The following PPA2 variants were observed in gnomAD, a reference collection of about 807,000 sequenced individuals.
PPA2 encodes inorganic pyrophosphatase 2, mitochondrial.
PPA2 carries 48 observed loss-of-function variants against 49.5 expected under a neutral mutation model. That is an observed-to-expected ratio of 0.97 (90% CI 0.77 to 1.23). PPA2 has a LOEUF of 1.23. PPA2 is among the 50% of genes most tolerant of loss of function. PPA2 has a pLI of 0.00. For synonymous variants in PPA2, 131 were observed against 139.9 expected (o/e 0.94, Z 0.45); for missense variants, 429 against 410.1 (o/e 1.05, Z -0.40).
At chr4:105,424,566 C>A (rs1187805845) in intron 6 of PPA2, among the ~76,000 whole-genome samples, 1 of 152,122 alleles carries the variant, frequency 6.6e-6, no homozygotes, top group Non-Finnish European at 1.5e-5. Context: ...CCTCCCATTG[C>A]AAACAACTAA....
intron 1 of PPA2, among the ~76,000 whole-genome samples, chr4:105,472,514 A>G (rs1334292819): frequency 1.3e-5 from 2 of 152,232 alleles, no homozygotes; most frequent in Non-Finnish European, 2.9e-5. Context: ...CTGCTTAAAA[A>G]GCGAACTGCC....
At chr4:105,405,431 G>A in intron 7 of PPA2, 1 of 827,378 alleles carries the variant, frequency 1.2e-6, no homozygotes, top group Non-Finnish European at 1.5e-6. Flanking sequence ...TTACAATTTA[G>A]TTCTTATAAA....
At chr4:105,376,152 G>A (rs922481174) in intron 10 of PPA2, among the ~76,000 whole-genome samples, 3 of 152,284 alleles carry the variant, frequency 2.0e-5, no homozygotes, top group African/African-American at 7.2e-5. Context: ...ATGCCAATAT[G>A]CATTTATGGG....
intron 7 of PPA2, among the ~76,000 whole-genome samples, chr4:105,404,905 C>A (rs1455310985): frequency 6.6e-6 from 1 of 152,020 alleles, no homozygotes; most frequent in Non-Finnish European, 1.5e-5. Flanking sequence ...CATGGTGAAA[C>A]CCTGTCTCTA....
intron 7 of PPA2, among the ~76,000 whole-genome samples, chr4:105,422,015 C>A (rs753800444): frequency 6.6e-6 from 1 of 151,760 alleles, no homozygotes; most frequent in Non-Finnish European, 1.5e-5. Context: ...TGCACTCCAT[C>A]ATGGAAGGCA....
intron 7 of PPA2, among the ~76,000 whole-genome samples, chr4:105,417,223 G>A (rs528866934): frequency 3.3e-5 from 5 of 152,214 alleles, no homozygotes; most frequent in South Asian, 4.1e-4. Flanking sequence ...ACTTAAAAAC[G>A]TGCCAATGTC....
At chr4:105,433,016 T>G (rs1384977851) in intron 6 of PPA2, among the ~76,000 whole-genome samples, 1 of 152,324 alleles carries the variant, frequency 6.6e-6, no homozygotes, top group East Asian at 1.9e-4. Context: ...AATGAGATAA[T>G]TCTTATAGAG....
At chr4:105,457,007 A>T (rs1033869039) in intron 1 of PPA2, among the ~76,000 whole-genome samples, 5 of 152,166 alleles carry the variant, frequency 3.3e-5, no homozygotes, top group Non-Finnish European at 7.4e-5. Flanking sequence ...CAAAGCAGAA[A>T]ATATCTACAA....
intron 6 of PPA2, among the ~76,000 whole-genome samples, chr4:105,436,389 G>A (rs7441496): frequency 0.011 from 1,606 of 152,184 alleles, 30 homozygotes; most frequent in African/African-American, 0.034. Flanking sequence ...TGCCAATATT[G>A]CTCAAAGCAA....
chr4:105,403,903 C>CT (rs542664794), intron 7 of PPA2, among the ~76,000 whole-genome samples: 7,653 of 144,198 alleles, frequency 0.053, 378 homozygotes, highest in African/African-American at 0.14. Flanking sequence ...TCTTTCTACT[C>CT]TTTTTTTTTT....
intron 7 of PPA2, among the ~76,000 whole-genome samples, chr4:105,409,126 C>T (rs1025840764): frequency 7.9e-5 from 12 of 152,152 alleles, no homozygotes; most frequent in African/African-American, 1.4e-4. Context: ...CACAAGGGAT[C>T]GGGGATTTCC....
intron 1 of PPA2, among the ~76,000 whole-genome samples, chr4:105,465,901 A>G (rs1008686993): frequency 2.6e-5 from 4 of 152,134 alleles, no homozygotes; most frequent in Non-Finnish European, 5.9e-5. Context: ...TCTGAAACCC[A>G]TATGAGTCAA....
chr4:105,461,112 G>A (rs1395547802), intron 1 of PPA2, among the ~76,000 whole-genome samples: 2 of 152,070 alleles, frequency 1.3e-5, no homozygotes. Context: ...CAGGAGCAAT[G>A]ACTAGAAAGG....
At chr4:105,437,881 T>C in intron 6 of PPA2, 69 bp downstream of exon 6, 1 of 1,249,134 alleles carries the variant, frequency 8.0e-7, no homozygotes, top group Non-Finnish European at 1.1e-6. Flanking sequence ...AACTAGAGGC[T>C]AAAATGAAAT....
chr4:105,452,998 G>A (rs1222508864), intron 3 of PPA2, among the ~76,000 whole-genome samples: 1 of 151,906 alleles, frequency 6.6e-6, no homozygotes. Context: ...AAAGATTATT[G>A]TTCCTGGGTT....
At chr4:105,409,359 C>A (rs988639530) in intron 7 of PPA2, among the ~76,000 whole-genome samples, 29 of 152,324 alleles carry the variant, frequency 1.9e-4, no homozygotes, top group African/African-American at 6.5e-4. Flanking sequence ...GGGCGTCCAC[C>A]ATTGCTGAGG....
chr4:105,450,709 G>A (rs1722639340), intron 3 of PPA2, among the ~76,000 whole-genome samples: 1 of 148,308 alleles, frequency 6.7e-6, no homozygotes, highest in South Asian at 2.1e-4. Context: ...CCGGGTTCAC[G>A]CCATTCTCCT....
chr4:105,394,313 G>A (rs1344605217), intron 9 of PPA2, among the ~76,000 whole-genome samples: 1 of 147,350 alleles, frequency 6.8e-6, no homozygotes, highest in East Asian at 2.0e-4. Flanking sequence ...GGCAGAGGCT[G>A]CAGTGGGCCG....
At chr4:105,435,222 C>G (rs906365085) in intron 6 of PPA2, among the ~76,000 whole-genome samples, 4 of 152,168 alleles carry the variant, frequency 2.6e-5, no homozygotes, top group African/African-American at 9.7e-5. Context: ...GAGCATACCC[C>G]TAACCGAGAA....
Sources: allele counts gnomAD v4.1 joint callset (sites outside exome capture counted in the v4.1 genomes callset), GRCh38; gene constraint gnomAD v4.1.1; transcripts MANE v1.5; gene names NCBI Gene and HGNC (gene_info 2026-07-23, HGNC 2026-07-21).